MACROD2: variants seen among roughly 807,000 people sequenced by gnomAD.
The protein encoded by MACROD2 is mono-ADP ribosylhydrolase 2, also known as ADP-ribose glycohydrolase MACROD2.
Under a neutral mutation model 70.4 loss-of-function variants are expected in MACROD2, and 36 were observed. The observed-to-expected ratio is 0.51, with a 90% CI of 0.39 to 0.68. MACROD2 has a LOEUF of 0.68. Ranked by LOEUF, MACROD2 falls within the 30% of genes least tolerant of loss-of-function variation. The probability of loss-of-function intolerance (pLI) is 0.00; values close to 1 mark genes in which losing one functional copy is unlikely to be tolerated. For missense variants in MACROD2, 496 were observed against 538.4 expected (o/e 0.92, Z 0.78); for synonymous variants, 172 against 178.8 (o/e 0.96, Z 0.30).
intron 3 of MACROD2, among the ~76,000 whole-genome samples, chr20:14,430,843 G>A (rs1896783776): frequency 6.6e-6 from 1 of 152,144 alleles, no homozygotes; most frequent in African/African-American, 2.4e-5. Flanking sequence ...CTAGAGGTAA[G>A]CGCCTTCACC....
intron 8 of MACROD2, among the ~76,000 whole-genome samples, chr20:15,533,266 A>G (rs567790252): frequency 6.6e-6 from 1 of 152,192 alleles, no homozygotes; most frequent in East Asian, 1.9e-4. Flanking sequence ...CCTTGGGAAG[A>G]ACAATTTTGG....
At chr20:15,794,050 T>A (rs988935206) in intron 8 of MACROD2, among the ~76,000 whole-genome samples, 33 of 151,756 alleles carry the variant, frequency 2.2e-4, no homozygotes, top group African/African-American at 7.5e-4. Flanking sequence ...GAGAACCACT[T>A]AAGATGACAG....
intron 3 of MACROD2, among the ~76,000 whole-genome samples, chr20:14,218,743 T>C (rs755369147): frequency 2.7e-4 from 41 of 152,224 alleles, no homozygotes; most frequent in Admixed American, 5.9e-4. Flanking sequence ...TGGCAAATTC[T>C]CTCAGCATTT....
intron 3 of MACROD2, among the ~76,000 whole-genome samples, chr20:14,381,419 T>C (rs1019655014): frequency 6.6e-6 from 1 of 152,108 alleles, no homozygotes; most frequent in Non-Finnish European, 1.5e-5. Flanking sequence ...AAGAAAAAAA[T>C]TTCCAATGAA....
intron 6 of MACROD2, among the ~76,000 whole-genome samples, chr20:15,330,279 G>A (rs2077978151): frequency 7.0e-6 from 1 of 142,368 alleles, no homozygotes; most frequent in Non-Finnish European, 1.6e-5. Context: ...CCCCTACAAC[G>A]TGTTTTAACA....
chr20:15,249,533 T>G (rs2077136042), intron 6 of MACROD2, among the ~76,000 whole-genome samples: 1 of 152,232 alleles, frequency 6.6e-6, no homozygotes, highest in Non-Finnish European at 1.5e-5. Flanking sequence ...TACCTTAGCA[T>G]GTGCTTCCCA....
intron 5 of MACROD2, among the ~76,000 whole-genome samples, chr20:14,803,925 T>C (rs531299451): frequency 6.6e-6 from 1 of 152,274 alleles, no homozygotes; most frequent in Admixed American, 6.5e-5. Context: ...TTATCAAGTG[T>C]GGCTCAAAGA....
intron 8 of MACROD2, among the ~76,000 whole-genome samples, chr20:15,748,680 C>T (rs1266166311): frequency 6.6e-6 from 1 of 152,070 alleles, no homozygotes; most frequent in African/African-American, 2.4e-5. Flanking sequence ...ATCTTTGTTA[C>T]CTTAATATTC....
chr20:15,949,336 T>C (rs1368910311), intron 12 of MACROD2, among the ~76,000 whole-genome samples: 1 of 152,188 alleles, frequency 6.6e-6, no homozygotes, highest in Admixed American at 6.5e-5. Context: ...AAATCCTAAC[T>C]ACCCCAGGTG....
At chr20:14,685,008 T>C (rs1442273060) in intron 5 of MACROD2, 49 bp downstream of exon 5, 1 of 1,411,470 alleles carries the variant, frequency 7.1e-7, no homozygotes, top group Non-Finnish European at 1.0e-6. Context: ...CATCTTAACT[T>C]GTTTTACTCC....
intron 5 of MACROD2, among the ~76,000 whole-genome samples, chr20:15,206,490 T>C (rs2076703432): frequency 6.6e-6 from 1 of 152,022 alleles, no homozygotes; most frequent in African/African-American, 2.4e-5. Flanking sequence ...CGTACATACA[T>C]CAATCAATGT....
chr20:14,382,661 T>C (rs973434806), intron 3 of MACROD2, among the ~76,000 whole-genome samples: 2 of 144,120 alleles, frequency 1.4e-5, no homozygotes, highest in African/African-American at 2.5e-5. Context: ...AGAGCAAAAC[T>C]CCGTCTCAAA....
chr20:15,639,476 T>C (rs1307471272), intron 8 of MACROD2, among the ~76,000 whole-genome samples: 1 of 152,174 alleles, frequency 6.6e-6, no homozygotes, highest in Non-Finnish European at 1.5e-5. Context: ...CAGCCCCCAC[T>C]GTAGTGCAGG....
chr20:15,090,137 T>C (rs756979000), intron 5 of MACROD2, among the ~76,000 whole-genome samples: 3 of 152,076 alleles, frequency 2.0e-5, no homozygotes, highest in Non-Finnish European at 4.4e-5. Flanking sequence ...TTCTCAAAGA[T>C]ATATGTTGAC....
At chr20:15,551,973 A>G (rs2048105388) in intron 8 of MACROD2, among the ~76,000 whole-genome samples, 1 of 152,088 alleles carries the variant, frequency 6.6e-6, no homozygotes, top group Non-Finnish European at 1.5e-5. Flanking sequence ...ATATAAGGAG[A>G]AAATCTTCTT....
chr20:15,706,909 A>G (rs2050540700), intron 8 of MACROD2, among the ~76,000 whole-genome samples: 1 of 152,314 alleles, frequency 6.6e-6, no homozygotes, highest in South Asian at 2.1e-4. Flanking sequence ...GATGTGATTC[A>G]TGGGCCCTGA....
chr20:15,803,097 A>G (rs1465425130), intron 8 of MACROD2, among the ~76,000 whole-genome samples: 2 of 152,146 alleles, frequency 1.3e-5, no homozygotes, highest in Non-Finnish European at 2.9e-5. Context: ...GAAAACTAGC[A>G]CCAATTTTTC....
chr20:14,789,625 GCCA>G (rs1401087496), intron 5 of MACROD2, among the ~76,000 whole-genome samples: 1 of 151,472 alleles, frequency 6.6e-6, no homozygotes, highest in Non-Finnish European at 1.5e-5. Context: ...ACAGGAAGTA[GCCA>G]CCATGCCTGG....
At chr20:15,759,881 T>C (rs932632945) in intron 8 of MACROD2, among the ~76,000 whole-genome samples, 1 of 152,214 alleles carries the variant, frequency 6.6e-6, no homozygotes, top group African/African-American at 2.4e-5. Flanking sequence ...CGTACATGCA[T>C]TTGTACCAGG....
Sources: allele counts gnomAD v4.1 joint callset (sites outside exome capture counted in the v4.1 genomes callset), GRCh38; gene constraint gnomAD v4.1.1; transcripts MANE v1.5; gene names NCBI Gene and HGNC (gene_info 2026-07-23, HGNC 2026-07-21).